Variants in AK9 observed in about 807,000 individuals in gnomAD.
The protein encoded by AK9 is adenylate kinase domain containing 1.
In AK9, 191 loss-of-function variants were observed where a neutral mutation model predicts 239.6. The observed-to-expected ratio is 0.80, with a 90% confidence interval of 0.71 to 0.90. The LOEUF is 0.90. AK9 is among the 40% of genes least tolerant of loss of function. AK9 has a pLI of 0.00. For missense variants in AK9, 1,995 were observed against 2,214.7 expected (o/e 0.90, Z 1.99); for synonymous variants, 689 against 721.0 (o/e 0.96, Z 0.71).
At chr6:109,621,075 G>A (rs2128250107) in intron 12 of AK9, among the ~76,000 whole-genome samples, 1 of 149,818 alleles carries the variant, frequency 6.7e-6, no homozygotes, top group Non-Finnish European at 1.5e-5. Context: ...TCAAAAAGTG[G>A]GTGAAGGACA....
At chr6:109,635,367 C>T (rs141841593) in intron 10 of AK9, among the ~76,000 whole-genome samples, 3 of 152,108 alleles carry the variant, frequency 2.0e-5, no homozygotes, top group Admixed American at 1.3e-4. Flanking sequence ...AGACATGGGA[C>T]CTTGTGATAC....
intron 5 of AK9, among the ~76,000 whole-genome samples, chr6:109,663,926 G>C (rs1259485387): frequency 2.0e-5 from 3 of 152,120 alleles, no homozygotes; most frequent in Non-Finnish European, 2.9e-5. Flanking sequence ...ATATCTATGT[G>C]AAACTACATT....
At chr6:109,607,004 C>T (rs1393739449) in intron 17 of AK9, among the ~76,000 whole-genome samples, 2 of 152,166 alleles carry the variant, frequency 1.3e-5, no homozygotes, top group Non-Finnish European at 2.9e-5. Flanking sequence ...TATTTTCTTT[C>T]CCTGGACTGG....
Position 109,573,533 on chromosome 6 carries a change from G to A in AK9, c.2253C>T (p.His751=), listed in dbSNP as rs534260514. 2.5e-5 allele frequency: 38 copies of A among 1,550,988 alleles called. No individual in the cohort carries two copies. In the South Asian group the frequency reaches 2.6e-4, roughly 11 times the overall value. Residue 751 remains histidine (H), a synonymous_variant, in exon 21 of 41, where the codon CAC becomes CAT. Coordinates refer to ENST00000424296, the MANE Select transcript of AK9 (RefSeq NM_001145128.3). ...EEIEGDELEV[H]EEPEASHDTR... The stretch of plus-strand genomic sequence containing the variant: ...TATCGTGAGATGCCTCAGGCTCTTC[G>A]TGAACTTCCAACTCATCACCTTCAA...
intron 6 of AK9, among the ~76,000 whole-genome samples, chr6:109,659,648 T>C (rs4947005): frequency 0.19 from 28,722 of 152,024 alleles, 3,188 homozygotes; most frequent in South Asian, 0.33. Context: ...GGTGAAAAAG[T>C]ATTACAAGTC....
intron 10 of AK9, 33 bp from the exon 11 acceptor site, chr6:109,633,356 G>A: frequency 6.4e-7 from 1 of 1,566,116 alleles, no homozygotes; most frequent in Non-Finnish European, 8.6e-7. Context: ...TAAAAATATG[G>A]GCATAAATTT....
At chr6:109,539,479 C>T (rs954684892) in intron 27 of AK9, among the ~76,000 whole-genome samples, 17 of 152,202 alleles carry the variant, frequency 1.1e-4, no homozygotes, top group Non-Finnish European at 8.8e-5. Context: ...GTTCTCTACA[C>T]TGGTTATTCT....
chr6:109,566,053 C>A (rs1461957839), intron 21 of AK9, among the ~76,000 whole-genome samples: 1 of 152,090 alleles, frequency 6.6e-6, no homozygotes, highest in Admixed American at 6.6e-5. Flanking sequence ...CTTAGCTTCT[C>A]TGGCTTAATC....
intron 19 of AK9, among the ~76,000 whole-genome samples, chr6:109,582,771 A>T (rs1789010911): frequency 6.6e-6 from 1 of 152,202 alleles, no homozygotes; most frequent in Non-Finnish European, 1.5e-5. Context: ...AATGCTATCA[A>T]ACAACATTAC....
At chr6:109,508,550 T>A (rs1488110609) in intron 33 of AK9, among the ~76,000 whole-genome samples, 1 of 151,968 alleles carries the variant, frequency 6.6e-6, no homozygotes, top group African/African-American at 2.4e-5. Flanking sequence ...ACAAGGAAAG[T>A]CAAAGAGGCT....
chr6:109,541,679 G>A (rs530831987), intron 27 of AK9, among the ~76,000 whole-genome samples: 1 of 152,286 alleles, frequency 6.6e-6, no homozygotes, highest in South Asian at 2.1e-4. Flanking sequence ...CAAAGTTTTG[G>A]GATTACAGGC....
chr6:109,547,931 A>G (rs1401290196), intron 25 of AK9, among the ~76,000 whole-genome samples: 1 of 152,074 alleles, frequency 6.6e-6, no homozygotes, highest in African/African-American at 2.4e-5. Context: ...AAGAACACAT[A>G]CAAATGGACA....
intron 5 of AK9, among the ~76,000 whole-genome samples, chr6:109,668,527 G>T (rs370933883): frequency 1.3e-5 from 2 of 150,234 alleles, no homozygotes; most frequent in African/African-American, 4.9e-5. Context: ...TTTTATGGTT[G>T]TAGGTCTAAC....
chr6:109,680,719 C>T (rs1281199142), intron 1 of AK9, among the ~76,000 whole-genome samples: 1 of 152,162 alleles, frequency 6.6e-6, no homozygotes, highest in East Asian at 1.9e-4. Context: ...GCTTGGGTTA[C>T]CCACAAAGGG....
chr6:109,654,443 T>C (rs1421302114), intron 8 of AK9, among the ~76,000 whole-genome samples: 1 of 152,104 alleles, frequency 6.6e-6, no homozygotes, highest in Non-Finnish European at 1.5e-5. Context: ...GTGATTCTCC[T>C]GCCTCAGCCT....
intron 32 of AK9, among the ~76,000 whole-genome samples, chr6:109,513,476 TA>T (rs1265552057): frequency 6.6e-6 from 1 of 152,254 alleles, no homozygotes; most frequent in Non-Finnish European, 1.5e-5. Context: ...AATTTTTGTC[TA>T]AAACAATTTG....
At chr6:109,511,627 T>C (rs1778759917) in intron 32 of AK9, among the ~76,000 whole-genome samples, 1 of 152,094 alleles carries the variant, frequency 6.6e-6, no homozygotes, top group South Asian at 2.1e-4. Context: ...TGTGTGGAGA[T>C]AGCAGTGGGT....
At chr6:109,546,598 G>A (rs1239424199) in intron 25 of AK9, among the ~76,000 whole-genome samples, 1 of 152,176 alleles carries the variant, frequency 6.6e-6, no homozygotes, top group Non-Finnish European at 1.5e-5. Flanking sequence ...GGTGAGTACT[G>A]GAATGAAGCA....
At chr6:109,517,237 C>G (rs967601803) in intron 29 of AK9, among the ~76,000 whole-genome samples, 1 of 152,144 alleles carries the variant, frequency 6.6e-6, no homozygotes, top group Non-Finnish European at 1.5e-5. Context: ...TATCTCTACA[C>G]CCTATTTTGT....
Sources: gnomAD v4.1 joint callset for allele counts (sites outside exome capture counted in the v4.1 genomes callset) on GRCh38, gnomAD v4.1.1 for gene constraint, MANE v1.5 for transcripts, NCBI Gene and HGNC (gene_info 2026-07-23, HGNC 2026-07-21) for gene names.